The following ZCCHC2 variants were observed in gnomAD, a reference collection of about 807,000 sequenced individuals.
ZCCHC2 encodes zinc finger CCHC domain-containing protein 2.
ZCCHC2 carries 39 observed loss-of-function variants against 103.6 expected under a neutral mutation model. The ratio of observed to expected loss-of-function variants is 0.38; its 90% CI spans 0.29 to 0.49. The LOEUF (loss-of-function observed/expected upper bound fraction) is 0.49. ZCCHC2 is among the 20% of genes least tolerant of loss of function. The pLI is 0.96. For synonymous variants in ZCCHC2, 687 were observed against 608.9 expected (o/e 1.13, Z -1.89); for missense variants, 1,483 against 1,491.0 (o/e 0.99, Z 0.09).
chr18:62,561,019 C>G (rs1916092720), intron 8 of ZCCHC2, among the ~76,000 whole-genome samples: 1 of 152,188 alleles, frequency 6.6e-6, no homozygotes, highest in South Asian at 2.1e-4. Flanking sequence ...TTATTTCCCC[C>G]TAACTTGTAA....
At chr18:62,573,959 A>G (rs770543600) in intron 12 of ZCCHC2, 98 bp from the exon 13 acceptor site, 1 of 1,298,532 alleles carries the variant, frequency 7.7e-7, no homozygotes, top group Middle Eastern at 2.4e-4. Flanking sequence ...GACACTTTCC[A>G]AACTTGAGTT....
At chr18:62,565,308 T>C (rs1916312185) in intron 11 of ZCCHC2, among the ~76,000 whole-genome samples, 1 of 152,172 alleles carries the variant, frequency 6.6e-6, no homozygotes, top group Non-Finnish European at 1.5e-5. Context: ...GGAGATTGCC[T>C]TTGCCTCAGT....
intron 9 of ZCCHC2, among the ~76,000 whole-genome samples, chr18:62,563,644 G>A (rs1916220316): frequency 6.6e-6 from 1 of 152,164 alleles, no homozygotes; most frequent in African/African-American, 2.4e-5. Context: ...GCAACAGAGT[G>A]AAACCCTGTC....
intron 5 of ZCCHC2, among the ~76,000 whole-genome samples, chr18:62,552,889 C>CT (rs1221997159): frequency 5.3e-3 from 117 of 22,060 alleles, no homozygotes; most frequent in African/African-American, 0.019. Context: ...GACCCTGTCT[C>CT]TTAAAAAAAA....
intron 4 of ZCCHC2, among the ~76,000 whole-genome samples, chr18:62,547,078 G>A (rs1397397150): frequency 6.6e-6 from 1 of 151,768 alleles, no homozygotes; most frequent in Non-Finnish European, 1.5e-5. Flanking sequence ...TAATCCCAGC[G>A]CTTTAGGAGG....
At chr18:62,565,143 C>T (rs761628925) in intron 11 of ZCCHC2, 47 bp downstream of exon 11, 3 of 1,329,026 alleles carry the variant, frequency 2.3e-6, no homozygotes, top group Non-Finnish European at 3.2e-6. Context: ...TAAATATATT[C>T]AGCATGATAC....
chr18:62,523,252 C>T lies in ZCCHC2; in HGVS notation c.-173C>T. 2 of 472,058 alleles carry T rather than the reference C, an allele frequency of 4.2e-6. No homozygotes were observed. The highest frequency in any genetic ancestry group is 5.5e-6 in the Non-Finnish European group (2 of 360,818). 29.2% of individuals were successfully genotyped at this position (472,058 alleles called of 1,614,324 possible). ...CGGGAAGACGACGCCAGCGACCCCG[C>T]CGGCCGGCCACCGCCCCCCTCGCCG... is the stretch of plus-strand genomic sequence containing the variant. On this transcript the variant is annotated 5_prime_UTR_variant, in exon 1 of 14. Coordinates refer to ENST00000269499, the MANE Select transcript of ZCCHC2 (RefSeq NM_017742.6).
At chr18:62,552,304 C>T (rs973498770) in intron 5 of ZCCHC2, 1 of 152,130 alleles carries the variant, frequency 6.6e-6, no homozygotes, top group Admixed American at 6.5e-5. Context: ...TGCCAGTTGC[C>T]ATGACAACAG....
chr18:62,528,012 G>A (rs1257996900), intron 1 of ZCCHC2, among the ~76,000 whole-genome samples: 1 of 152,138 alleles, frequency 6.6e-6, no homozygotes, highest in African/African-American at 2.4e-5. Context: ...GCGACACAAA[G>A]GTATAAGAAG....
Position 62,564,894 on chromosome 18 carries a change from T to G in ZCCHC2, c.1752-108T>G, listed in dbSNP as rs899605713. 4.5e-5 allele frequency: 37 copies of G among 822,814 alleles called. No homozygotes were observed. In the African/African-American group the frequency reaches 5.7e-4, roughly 13 times the overall value. 51.0% of individuals were successfully genotyped at this position (822,814 alleles called of 1,614,324 possible). ...ATCTTAATTGTATTTAGATTATTCC[T>G]TACTAAAAAAATTTGAAGAGTCTTG... On this transcript the variant is annotated intron_variant, in intron 10 of 13. Coordinates refer to ENST00000269499, the MANE Select transcript of ZCCHC2 (RefSeq NM_017742.6).
At chr18:62,582,594 G>A (rs541192257), downstream of ZCCHC2, among the ~76,000 whole-genome samples, 7 of 152,240 alleles carry the variant, frequency 4.6e-5, no homozygotes, top group South Asian at 1.2e-3. Context: ...TAGGAGAACC[G>A]CTTGAACCTG....
intron 2 of ZCCHC2, among the ~76,000 whole-genome samples, chr18:62,542,292 A>T (rs1046857975): frequency 2.6e-5 from 4 of 151,790 alleles, no homozygotes; most frequent in South Asian, 4.2e-4. Flanking sequence ...ATAGAAAAAA[A>T]TTTTTTTCAT....
At chr18:62,542,376 A>G in intron 2 of ZCCHC2, 122 bp from the exon 3 acceptor site, 1 of 648,246 alleles carries the variant, frequency 1.5e-6, no homozygotes, top group South Asian at 2.7e-5. Flanking sequence ...AAGACCAGTC[A>G]TAAAGATGAA....
rs370064964 is a variant in ZCCHC2 at position 62,563,065 on chromosome 18, A to G, written c.1607A>G (p.Gln536Arg). The change falls in exon 9 of 14, where the codon CAG becomes CGG. Residue 536 changes from glutamine to arginine, a missense_variant. This residue lies in a region of ZCCHC2 where 884 missense variants were observed against 907.5 expected (regional missense o/e 0.97). Transcript: ENST00000269499. ...LDGLTMQYSEQNGIVDWRKQS... is the reference protein window; with the variant it reads ...LDGLTMQYSERNGIVDWRKQS... ...GGGCTTACCATGCAATATTCTGAACAGAATGGAATTGTGGATTGGAGGAAG... is the reference window on the plus strand; with the variant it reads ...GGGCTTACCATGCAATATTCTGAACGGAATGGAATTGTGGATTGGAGGAAG... 55 of 1,613,886 alleles carry G rather than the reference A, an allele frequency of 3.4e-5. No individual in the cohort carries two copies. Among genetic ancestry groups the G allele is most frequent in the Non-Finnish European group, 4.3e-5 (51 of 1,179,866 alleles).
chr18:62,571,081 C>T (rs1414833935), intron 12 of ZCCHC2, among the ~76,000 whole-genome samples: 1 of 152,238 alleles, frequency 6.6e-6, no homozygotes, highest in Non-Finnish European at 1.5e-5. Context: ...GTTTTCTGGT[C>T]AGCCTCTTGT....
intron 8 of ZCCHC2, among the ~76,000 whole-genome samples, chr18:62,561,151 C>A (rs765761317): frequency 6.6e-6 from 1 of 152,212 alleles, no homozygotes; most frequent in Admixed American, 6.5e-5. Flanking sequence ...CATTTTCCTT[C>A]CAACTGAAGA....
chr18:62,541,774 T>G (rs779907606), intron 2 of ZCCHC2, among the ~76,000 whole-genome samples: 4 of 152,178 alleles, frequency 2.6e-5, no homozygotes, highest in Non-Finnish European at 5.9e-5. Context: ...GTACTTTTAT[T>G]AAAGGTGTCG....
At chr18:62,553,847 T>A (rs1915770539) in intron 5 of ZCCHC2, among the ~76,000 whole-genome samples, 1 of 152,172 alleles carries the variant, frequency 6.6e-6, no homozygotes, top group South Asian at 2.1e-4. Context: ...TTTATTGGTG[T>A]CACTGATTGG....
At position 62,523,376 on chromosome 18, in the gene ZCCHC2, G is replaced by GGGGGGCGCC; in HGVS notation, c.-49_-48insGGGGGCGCC. ...GCCTCGGCCCGTGCTCCACCTCGCG[G>GGGGGGCGCC]CCCCTCCCGCCCGCCCCCGCTCGCA... On this transcript the variant is annotated 5_prime_UTR_variant, in exon 1 of 14. Coordinates refer to ENST00000269499, the MANE Select transcript of ZCCHC2 (RefSeq NM_017742.6). The GGGGGGCGCC allele has an allele frequency of 3.0e-6, 3 of 1,012,346 alleles. No individual in the cohort carries two copies. The highest frequency in any genetic ancestry group is 3.5e-6 in the Non-Finnish European group (3 of 848,982). 62.7% of individuals were successfully genotyped at this position (1,012,346 alleles called of 1,614,324 possible).
Sources: allele counts gnomAD v4.1 joint callset (sites outside exome capture counted in the v4.1 genomes callset), GRCh38; gene constraint gnomAD v4.1.1; regional missense constraint gnomAD v4.1.1; transcripts MANE v1.5; gene names NCBI Gene and HGNC (gene_info 2026-07-23, HGNC 2026-07-21).